Variants in IPO11 observed in about 807,000 individuals in gnomAD.
IPO11 encodes the protein importin-11.
A neutral mutation model predicts 143.2 loss-of-function variants in IPO11; 66 were observed. That is an observed-to-expected ratio of 0.46 (90% confidence interval 0.38 to 0.57). The LOEUF (loss-of-function observed/expected upper bound fraction) is 0.57, where lower values mean the gene tolerates loss of function less well. IPO11 is among the 20% of genes least tolerant of loss of function. The pLI is 0.00. For synonymous variants in IPO11, 385 were observed against 377.8 expected (o/e 1.02, Z -0.22); for missense variants, 1,026 against 1,141.0 (o/e 0.90, Z 1.45).
At chr5:62,575,702 CA>C (rs1275126882) in intron 27 of IPO11, among the ~76,000 whole-genome samples, 1 of 152,140 alleles carries the variant, frequency 6.6e-6, no homozygotes, top group Non-Finnish European at 1.5e-5. Context: ...ATATCACAGG[CA>C]AAGTCACATG....
chr5:62,441,659 T>C (rs1352458842), intron 2 of IPO11, among the ~76,000 whole-genome samples: 1 of 150,970 alleles, frequency 6.6e-6, no homozygotes, highest in African/African-American at 2.4e-5. Flanking sequence ...GGATTATAGA[T>C]GTGCACCACC....
At chr5:62,619,552 T>C (rs1462960879) in intron 29 of IPO11, among the ~76,000 whole-genome samples, 1 of 152,126 alleles carries the variant, frequency 6.6e-6, no homozygotes, top group African/African-American at 2.4e-5. Context: ...ATAAAATATC[T>C]GTTTGAAACT....
chr5:62,525,076 C>T (rs1360499903), intron 20 of IPO11, among the ~76,000 whole-genome samples: 1 of 152,058 alleles, frequency 6.6e-6, no homozygotes, highest in African/African-American at 2.4e-5. Context: ...TCTTTGTGTT[C>T]TTGATTCATT....
At position 62,435,152 on chromosome 5, in the gene IPO11, G is replaced by GTATATATGTA. The variant is rs1561308953; in HGVS notation, c.-6-2115_-6-2114insGTATATATAT. On this transcript the variant is annotated intron_variant, in intron 1 of 29. Transcript: ENST00000325324. ...TATATATATGTATATATGTATATATGTATATATATGTATATATATGTATAT... is the reference window on the plus strand; with the variant it reads ...TATATATATGTATATATGTATATATGTATATATGTATATATATATGTATATATATGTATAT... 3.2e-3 allele frequency among the ~76,000 whole-genome samples: 179 copies of GTATATATGTA among 56,716 alleles called. 10 individuals are homozygous for GTATATATGTA. Among genetic ancestry groups the GTATATATGTA allele is most frequent in the African/African-American group, 0.015 (176 of 11,602 alleles). The allele number at this position is 56,716 out of a possible 152,430, so 37.2% of individuals were successfully genotyped here. A position where few individuals can be genotyped will look rare whatever the true frequency, so the allele number is the denominator to read the frequency against.
At chr5:62,579,221 C>T (rs943923994) in intron 27 of IPO11, among the ~76,000 whole-genome samples, 2 of 152,022 alleles carry the variant, frequency 1.3e-5, no homozygotes, top group East Asian at 3.9e-4. Context: ...ATGGCCTGAT[C>T]ATGTTAATAA....
At chr5:62,513,186 C>T (rs1416029177) in intron 19 of IPO11, among the ~76,000 whole-genome samples, 56 of 151,842 alleles carry the variant, frequency 3.7e-4, no homozygotes, top group Non-Finnish European at 7.1e-4. Context: ...CCTCAGCTCC[C>T]GGACCGGGTG....
chr5:62,520,016 A>AT (rs1306529933), intron 20 of IPO11, among the ~76,000 whole-genome samples: 2 of 152,214 alleles, frequency 1.3e-5, no homozygotes, highest in African/African-American at 4.8e-5. Context: ...CAAATGTCAG[A>AT]TCCCCCGAGG....
intron 5 of IPO11, among the ~76,000 whole-genome samples, chr5:62,455,511 A>T (rs993866016): frequency 7.2e-5 from 11 of 152,150 alleles, no homozygotes; most frequent in African/African-American, 2.7e-4. Flanking sequence ...CGACAGAGAG[A>T]GAGTGTCTCA....
chr5:62,518,824 A>G (rs1742114267), intron 20 of IPO11, among the ~76,000 whole-genome samples: 1 of 152,180 alleles, frequency 6.6e-6, no homozygotes, highest in Admixed American at 6.5e-5. Flanking sequence ...ACTTAGAGGA[A>G]GTAGGTATTC....
rs1197345106 is a variant in IPO11, at chr5:62,487,826, C to G, written c.1274C>G (p.Thr425Ser). 1.9e-6 allele frequency: 3 copies of G among 1,610,238 alleles called. No individual in the cohort carries two copies. The East Asian group carries it at 6.7e-5, about 36-fold the overall frequency. Residue 425 changes from threonine to serine, a missense_variant, in exon 13 of 30, where the codon ACT (threonine) becomes AGT (serine). Thr to Ser is a moderately conservative substitution (Grantham distance 58, BLOSUM62 1). Transcript: ENST00000325324. ...TTCCATGAATATAATCAGACTCTTA[C>G]TCCTGTACTTCTAGAAATGATGCAA... ...DIFHEYNQTLTPVLLEMMQTL... is the reference protein window; with the variant it reads ...DIFHEYNQTLSPVLLEMMQTL...
intron 28 of IPO11, among the ~76,000 whole-genome samples, chr5:62,591,999 A>G (rs943417432): frequency 6.6e-6 from 1 of 151,994 alleles, no homozygotes; most frequent in African/African-American, 2.4e-5. Context: ...ACAGGCATGC[A>G]CCACCACACC....
chr5:62,494,815 T>C (rs1741076473), intron 16 of IPO11, among the ~76,000 whole-genome samples: 1 of 152,198 alleles, frequency 6.6e-6, no homozygotes, highest in Non-Finnish European at 1.5e-5. Flanking sequence ...TGTCTTTTCC[T>C]GATTTTCAAT....
intron 2 of IPO11, among the ~76,000 whole-genome samples, chr5:62,440,137 GA>G (rs1344836970): frequency 6.6e-6 from 1 of 152,146 alleles, no homozygotes; most frequent in Non-Finnish European, 1.5e-5. Context: ...ATGTAGTATA[GA>G]AGGTGGACAT....
In IPO11 at chr5:62,613,394, A is replaced by C. The variant is rs575949842; in HGVS notation, c.2763+11546A>C. Among the ~76,000 whole-genome samples, 8 of 135,388 alleles carry C rather than the reference A, an allele frequency of 5.9e-5. No homozygotes were observed. In the South Asian group the frequency reaches 1.8e-3, roughly 30 times the overall value. The allele number at this position is 135,388 out of a possible 152,430, so 88.8% of individuals were successfully genotyped here. ...TCTGGCTCACTGCAACCTCTATCTG[A>C]TGGGCTCAAGCCATCCTCCCACCTC... On this transcript the variant is annotated intron_variant, in intron 29 of 29. Coordinates refer to ENST00000325324, the MANE Select transcript of IPO11 (RefSeq NM_016338.5).
chr5:62,464,705 C>T (rs1259178289), intron 5 of IPO11, among the ~76,000 whole-genome samples: 1 of 151,994 alleles, frequency 6.6e-6, no homozygotes, highest in African/African-American at 2.4e-5. Context: ...GTCTCCTGAC[C>T]CCAGGTGATC....
At chr5:62,485,884 C>T (rs1746381404) in intron 12 of IPO11, among the ~76,000 whole-genome samples, 1 of 148,952 alleles carries the variant, frequency 6.7e-6, no homozygotes, top group Non-Finnish European at 1.5e-5. Context: ...AGATTCCCAA[C>T]ATTAAGTCAG....
intron 27 of IPO11, among the ~76,000 whole-genome samples, chr5:62,571,239 G>A (rs972121827): frequency 6.6e-6 from 1 of 152,052 alleles, no homozygotes; most frequent in African/African-American, 2.4e-5. Flanking sequence ...ATACCAGAGA[G>A]AAAAATTTTC....
In IPO11 at chr5:62,435,128, A is replaced by ATATATG. The variant is rs1561308866; in HGVS notation, c.-6-2141_-6-2140insGTATAT. Among the ~76,000 whole-genome samples, 100 of 86,184 alleles carry ATATATG rather than the reference A, an allele frequency of 1.2e-3. 6 individuals carry two copies. The highest frequency in any genetic ancestry group is 4.8e-3 in the African/African-American group (90 of 18,714). 56.5% of individuals were successfully genotyped at this position (86,184 alleles called of 152,430 possible). On this transcript the variant is annotated intron_variant, in intron 1 of 29. Transcript: ENST00000325324. ...TATATATGTATATATGTATATATGT[A>ATATATG]TATATATGTATATATGTATATATGT... is the stretch of plus-strand genomic sequence containing the variant.
intron 18 of IPO11, 100 bp from the exon 19 acceptor site, chr5:62,506,141 C>CT: frequency 1.7e-6 from 1 of 598,966 alleles, no homozygotes; most frequent in East Asian, 2.8e-5. Flanking sequence ...TGACTTACTG[C>CT]TTTGACATTA....
Sources: allele counts gnomAD v4.1 joint callset (sites outside exome capture counted in the v4.1 genomes callset), GRCh38; gene constraint gnomAD v4.1.1; transcripts MANE v1.5; gene names NCBI Gene and HGNC (gene_info 2026-07-23, HGNC 2026-07-21).